Variants in HCN1 observed in about 807,000 individuals in gnomAD.
HCN1 encodes potassium/sodium hyperpolarization-activated cyclic nucleotide-gated channel 1.
HCN1 carries 13 observed loss-of-function variants against 78.9 expected under a neutral mutation model. The observed-to-expected ratio is 0.16, with a 90% CI of 0.11 to 0.26. HCN1 has a LOEUF of 0.26. Among genes scored for constraint, HCN1 ranks in the 10% least tolerant of loss-of-function variants. HCN1 has a pLI of 1.00. For missense variants in HCN1, 810 were observed against 1,154.3 expected (o/e 0.70, Z 4.32); for synonymous variants, 552 against 455.5 (o/e 1.21, Z -2.70).
chr5:45,281,316 C>G (rs1356088258), intron 6 of HCN1, among the ~76,000 whole-genome samples: 3 of 151,930 alleles, frequency 2.0e-5, no homozygotes, highest in Non-Finnish European at 4.4e-5. Flanking sequence ...TCCCCCTTCT[C>G]TCTCTCTCTC....
intron 2 of HCN1, among the ~76,000 whole-genome samples, chr5:45,555,191 T>C (rs754432064): frequency 2.0e-5 from 3 of 151,758 alleles, no homozygotes; most frequent in Non-Finnish European, 2.9e-5. Context: ...AATTTCAGTA[T>C]AGATGCAGAA....
At chr5:45,689,804 T>C (rs1208801786) in intron 1 of HCN1, among the ~76,000 whole-genome samples, 1 of 152,106 alleles carries the variant, frequency 6.6e-6, no homozygotes, top group Admixed American at 6.6e-5. Flanking sequence ...AACAATATTA[T>C]TAGATTTGCT....
chr5:45,589,819 A>G (rs1450895766), intron 2 of HCN1, among the ~76,000 whole-genome samples: 1 of 152,190 alleles, frequency 6.6e-6, no homozygotes, highest in African/African-American at 2.4e-5. Context: ...TAGTTAATTA[A>G]GTTCCTTTAA....
intron 2 of HCN1, among the ~76,000 whole-genome samples, chr5:45,520,937 T>C (rs977226269): frequency 2.6e-4 from 39 of 151,836 alleles, no homozygotes; most frequent in Admixed American, 1.9e-3. Context: ...GTATCAGTCA[T>C]GGCCCTGCCA....
chr5:45,631,224 C>T (rs1745264673), intron 2 of HCN1, among the ~76,000 whole-genome samples: 2 of 152,308 alleles, frequency 1.3e-5, no homozygotes, highest in South Asian at 4.1e-4. Flanking sequence ...AAGCAAATTG[C>T]TTCAGTTCTC....
At chr5:45,409,774 A>G (rs1032761713) in intron 3 of HCN1, among the ~76,000 whole-genome samples, 16 of 151,946 alleles carry the variant, frequency 1.1e-4, no homozygotes, top group Admixed American at 3.9e-4. Context: ...AGGGATCTGT[A>G]TAACAATTTA....
intron 2 of HCN1, among the ~76,000 whole-genome samples, chr5:45,583,147 T>C (rs551130966): frequency 1.3e-5 from 2 of 152,124 alleles, no homozygotes; most frequent in Non-Finnish European, 2.9e-5. Context: ...TGTGAATCCA[T>C]CTGGTCCTGG....
At chr5:45,507,675 C>T (rs1742336336) in intron 2 of HCN1, among the ~76,000 whole-genome samples, 1 of 151,928 alleles carries the variant, frequency 6.6e-6, no homozygotes, top group African/African-American at 2.4e-5. Context: ...AGGTGACCCA[C>T]GGATTACACG....
chr5:45,425,253 T>C (rs1278058688), intron 3 of HCN1, among the ~76,000 whole-genome samples: 1 of 152,200 alleles, frequency 6.6e-6, no homozygotes, highest in African/African-American at 2.4e-5. Context: ...CTCAATTAAG[T>C]ACTTAACACA....
intron 5 of HCN1, among the ~76,000 whole-genome samples, chr5:45,338,173 ACTTT>A (rs1437432170): frequency 1.3e-5 from 2 of 152,094 alleles, no homozygotes; most frequent in African/African-American, 4.8e-5. Context: ...ACTAATTTTA[ACTTT>A]CTTTACCACT....
intron 2 of HCN1, among the ~76,000 whole-genome samples, chr5:45,476,605 G>C (rs1423090180): frequency 6.6e-6 from 1 of 151,966 alleles, no homozygotes; most frequent in African/African-American, 2.4e-5. Context: ...GGATTGTATT[G>C]GAAATCCCTT....
chr5:45,328,659 TTAGAA>T (rs1304883268), intron 5 of HCN1, among the ~76,000 whole-genome samples: 1 of 151,636 alleles, frequency 6.6e-6, no homozygotes, highest in Non-Finnish European at 1.5e-5. Context: ...ATCCCACTAT[TTAGAA>T]TGGTGCACAA....
intron 2 of HCN1, among the ~76,000 whole-genome samples, chr5:45,638,972 A>G (rs1745405444): frequency 6.6e-6 from 1 of 152,350 alleles, no homozygotes; most frequent in Non-Finnish European, 1.5e-5. Flanking sequence ...TTAAGCTATC[A>G]CATTAAAAAG....
chr5:45,551,757 A>C (rs1743375116), intron 2 of HCN1, among the ~76,000 whole-genome samples: 1 of 151,982 alleles, frequency 6.6e-6, no homozygotes, highest in African/African-American at 2.4e-5. Flanking sequence ...TACTCCGAAC[A>C]ACTCTATAAA....
chr5:45,334,535 T>C (rs959950862), intron 5 of HCN1, among the ~76,000 whole-genome samples: 2 of 151,998 alleles, frequency 1.3e-5, no homozygotes, highest in African/African-American at 2.4e-5. Flanking sequence ...TATACTTTTT[T>C]CCCATGTGTT....
chr5:45,483,094 C>G (rs1161147319), intron 2 of HCN1, among the ~76,000 whole-genome samples: 1 of 152,052 alleles, frequency 6.6e-6, no homozygotes, highest in East Asian at 1.9e-4. Flanking sequence ...CTTTTTGGTA[C>G]AATAATTTAT....
rs188299203 is a variant in HCN1 at position 45,438,368 on chromosome 5, G to A, written c.1011+23478C>T. Among the ~76,000 whole-genome samples the A allele has an allele frequency of 7.2e-4, 110 of 152,052 alleles. 2 individuals carry two copies. Among genetic ancestry groups the A allele is most frequent in the Admixed American group, 4.8e-3 (73 of 15,258 alleles). On this transcript the variant is annotated intron_variant, in intron 3 of 7. Coordinates refer to ENST00000303230, the MANE Select transcript of HCN1 (RefSeq NM_021072.4). The stretch of plus-strand genomic sequence containing the variant: ...GACACTTTGGGAGGCCGAGGAGGGC[G>A]GATCACCAGGTCAGGAGATCGAGAC...
Position 45,617,791 on chromosome 5 carries a change from C to T in HCN1, c.849+27394G>A, listed in dbSNP as rs539043602. ...GGAGTAACCATTATTAGTTGTTTTA[C>T]TAGTTCTCATCAACATCTTCCTAGC... On this transcript the variant is annotated intron_variant, in intron 2 of 7. Transcript: ENST00000303230. Among the ~76,000 whole-genome samples, 26 of 137,592 alleles carry T rather than the reference C, an allele frequency of 1.9e-4. No homozygotes were observed. In the South Asian group the frequency reaches 5.7e-3, roughly 30 times the overall value. 90.3% of individuals were successfully genotyped at this position (137,592 alleles called of 152,430 possible). A position where few individuals can be genotyped will look rare whatever the true frequency, so the allele number is the denominator to read the frequency against.
chr5:45,274,390 C>G (rs1017093324), intron 6 of HCN1, among the ~76,000 whole-genome samples: 5 of 152,106 alleles, frequency 3.3e-5, no homozygotes, highest in Non-Finnish European at 7.4e-5. Flanking sequence ...ACGTGGGCCT[C>G]TGAATGTTGA....
Sources: allele counts gnomAD v4.1 joint callset (sites outside exome capture counted in the v4.1 genomes callset), GRCh38; gene constraint gnomAD v4.1.1; transcripts MANE v1.5; gene names NCBI Gene and HGNC (gene_info 2026-07-23, HGNC 2026-07-21).